The following RAB11FIP1 variants were observed in gnomAD, a reference collection of about 807,000 sequenced individuals.
RAB11FIP1 encodes rab11 family-interacting protein 1.
RAB11FIP1 carries 49 observed loss-of-function variants against 83.1 expected under a neutral mutation model. The ratio of observed to expected loss-of-function variants is 0.59; its 90% confidence interval spans 0.47 to 0.75. The LOEUF (loss-of-function observed/expected upper bound fraction) is 0.75. RAB11FIP1 is among the 30% of genes least tolerant of loss of function. The pLI, the probability that RAB11FIP1 is intolerant of heterozygous loss-of-function variation, is 0.00. For missense variants in RAB11FIP1, 1,536 were observed against 1,598.7 expected (o/e 0.96, Z 0.67); for synonymous variants, 670 against 656.0 (o/e 1.02, Z -0.33).
At chr8:37,887,596 A>G in intron 1 of RAB11FIP1, among the ~76,000 whole-genome samples, 1 of 152,082 alleles carries the variant, frequency 6.6e-6, no homozygotes, top group East Asian at 1.9e-4. Context: ...GCCTTTTTAT[A>G]AATCTTCTTT....
intron 1 of RAB11FIP1, among the ~76,000 whole-genome samples, chr8:37,894,811 G>GC (rs1247724655): frequency 2.7e-5 from 4 of 150,214 alleles, no homozygotes; most frequent in Non-Finnish European, 5.9e-5. Context: ...ATGCAGTGGT[G>GC]CGATCTCAGC....
rs35705579 is a variant in RAB11FIP1, at chr8:37,899,489, G to A, written c.-48C>T. On this transcript the variant is annotated 5_prime_UTR_variant, in exon 1 of 6. Transcript: ENST00000330843. This position sits in a 1 kb window ranked among gnomAD's most constrained non-coding sequence, Gnocchi z 4.5. ...CGAGGAGAAGATCGCCGCGACTGGC[G>A]GCCTCCACGGCCCGCCCCGGCGACC... 4.7e-6 allele frequency: 7 copies of A among 1,481,138 alleles called. No individual in the cohort carries two copies. Among genetic ancestry groups the A allele is most frequent in the Non-Finnish European group, 5.4e-6 (6 of 1,120,074 alleles). The allele number at this position is 1,481,138 out of a possible 1,614,324, so 91.7% of individuals were successfully genotyped here.
At chr8:37,898,749 G>A (rs1452644048) in intron 1 of RAB11FIP1, among the ~76,000 whole-genome samples, 1 of 151,672 alleles carries the variant, frequency 6.6e-6, no homozygotes, top group Non-Finnish European at 1.5e-5. Context: ...GAACCTGCGA[G>A]GCGAAGTTTG....
At chr8:37,888,477 A>T (rs1034866070) in intron 1 of RAB11FIP1, among the ~76,000 whole-genome samples, 10 of 152,294 alleles carry the variant, frequency 6.6e-5, no homozygotes, top group African/African-American at 2.2e-4. Flanking sequence ...CTTTAAAAAA[A>T]AAAATGTATT....
In RAB11FIP1 at chr8:37,862,836, C is replaced by T. The variant is rs1260777715; in HGVS notation, c.*59G>A. The stretch of plus-strand genomic sequence containing the variant: ...GTTATCAGGCAAGGCAAGTCCTTGA[C>T]CCCTGGAGCAGGTGAAAGTGAAGTC... On this transcript the variant is annotated 3_prime_UTR_variant, in exon 6 of 6. Coordinates refer to ENST00000330843, the MANE Select transcript of RAB11FIP1 (RefSeq NM_001002814.3). 6.4e-6 allele frequency: 9 copies of T among 1,398,104 alleles called. No homozygotes were observed. The South Asian group carries it at 1.0e-4, about 16-fold the overall frequency. 86.6% of individuals were successfully genotyped at this position (1,398,104 alleles called of 1,614,324 possible).
chr8:37,877,070 G>A lies in RAB11FIP1; in HGVS notation c.814+39C>T, dbSNP rs776444570. 22 of 1,424,132 alleles carry A rather than the reference G, an allele frequency of 1.5e-5. No homozygotes were observed. The South Asian group carries it at 2.4e-4, about 15-fold the overall frequency. The allele number at this position is 1,424,132 out of a possible 1,614,324, so 88.2% of individuals were successfully genotyped here. A position where few individuals can be genotyped will look rare whatever the true frequency, so the allele number is the denominator to read the frequency against. ...TCTCTCAGAACGAAGCATGGTAAGA[G>A]GAAGAAGAGAGGTCAAGCAGGAAGA... On this transcript the variant is annotated intron_variant, in intron 2 of 5. Transcript: ENST00000330843.
intron 2 of RAB11FIP1, 46 bp downstream of exon 2, chr8:37,877,063 G>T: frequency 7.4e-7 from 1 of 1,347,338 alleles, no homozygotes; most frequent in Non-Finnish European, 1.0e-6. Context: ...AACGAAGCAT[G>T]GTAAGAGGAA....
intron 1 of RAB11FIP1, among the ~76,000 whole-genome samples, chr8:37,879,918 A>T (rs1296470209): frequency 8.5e-5 from 13 of 152,188 alleles, no homozygotes; most frequent in Admixed American, 8.5e-4. Flanking sequence ...TTAATGTTAC[A>T]TATATTTTAC....
rs558291640 is a variant in RAB11FIP1, at chr8:37,860,870, C to T, written c.*2025G>A. 5.9e-5 allele frequency: 9 copies of T among 152,676 alleles called. No homozygotes were observed. The highest frequency in any genetic ancestry group is 2.2e-4 in the African/African-American group (9 of 41,550). 9.5% of individuals were successfully genotyped at this position (152,676 alleles called of 1,614,324 possible). A position where few individuals can be genotyped will look rare whatever the true frequency, so the allele number is the denominator to read the frequency against. ...TCAGATTAAAGTGCTCTGATATAACCAATGCCACAGCAAACGAAATCCTGG... is the reference window on the plus strand; with the variant it reads ...TCAGATTAAAGTGCTCTGATATAACTAATGCCACAGCAAACGAAATCCTGG... On this transcript the variant is annotated 3_prime_UTR_variant, in exon 6 of 6. Coordinates refer to ENST00000330843, the MANE Select transcript of RAB11FIP1 (RefSeq NM_001002814.3).
chr8:37,896,171 A>G (rs751805273), intron 1 of RAB11FIP1, among the ~76,000 whole-genome samples: 16 of 151,960 alleles, frequency 1.1e-4, no homozygotes, highest in Non-Finnish European at 1.9e-4. Context: ...TTAGCCGGAC[A>G]TGGTGGCGGG....
chr8:37,867,515 A>C (rs571903148), intron 5 of RAB11FIP1, among the ~76,000 whole-genome samples: 42 of 151,792 alleles, frequency 2.8e-4, no homozygotes, highest in Admixed American at 4.6e-4. Context: ...GACCAGCCTG[A>C]CCGACATGGT....
intron 1 of RAB11FIP1, among the ~76,000 whole-genome samples, chr8:37,895,218 A>AATAAATATATATATATAT (rs1381872486): frequency 7.3e-5 from 1 of 13,704 alleles, no homozygotes; most frequent in Non-Finnish European, 1.4e-4. Context: ...GGTGCCTGCC[A>AATAAATATATATATATAT]ATATATATAT....
chr8:37,883,912 G>T (rs1414098145), intron 1 of RAB11FIP1, among the ~76,000 whole-genome samples: 2 of 151,994 alleles, frequency 1.3e-5, no homozygotes, highest in African/African-American at 4.8e-5. Context: ...CCCATATTCT[G>T]AAAAAATCTT....
At chr8:37,867,428 G>A (rs1329314857) in intron 5 of RAB11FIP1, among the ~76,000 whole-genome samples, 2 of 152,194 alleles carry the variant, frequency 1.3e-5, no homozygotes. Flanking sequence ...GTGGGGTCCG[G>A]GCGCAGTGGC....
At chr8:37,877,012 A>T in intron 2 of RAB11FIP1, 97 bp downstream of exon 2, 1 of 923,910 alleles carries the variant, frequency 1.1e-6, no homozygotes, top group Non-Finnish European at 1.6e-6. Flanking sequence ...GAATTGAATT[A>T]AACTCTTTCT....
At chr8:37,883,145 C>G (rs1480109942) in intron 1 of RAB11FIP1, among the ~76,000 whole-genome samples, 2 of 151,292 alleles carry the variant, frequency 1.3e-5, no homozygotes, top group African/African-American at 2.4e-5. Flanking sequence ...GAAAGCAAAA[C>G]AAGAATTGTT....
rs1006326311 is a variant in RAB11FIP1, at chr8:37,858,681, C to G, written c.*4214G>C. On this transcript the variant is annotated 3_prime_UTR_variant, in exon 6 of 6. Transcript: ENST00000330843. ...GGCTGCAAAGGAAAAGGGGGCAGCA[C>G]GTTCCAACTCAGTTTCTCTGGCCAG... is the stretch of plus-strand genomic sequence containing the variant. 2.0e-5 allele frequency: 3 copies of G among 152,264 alleles called. No individual in the cohort carries two copies. The highest frequency in any genetic ancestry group is 7.2e-5 in the African/African-American group (3 of 41,448). The allele number at this position is 152,264 out of a possible 1,614,324, so 9.4% of individuals were successfully genotyped here.
At chr8:37,870,686 G>A in intron 4 of RAB11FIP1, 158 bp from the exon 5 acceptor site, 1 of 548,382 alleles carries the variant, frequency 1.8e-6, no homozygotes, top group Non-Finnish European at 3.3e-6. Flanking sequence ...CTCAGTTCCT[G>A]TGGAAACAAA....
chr8:37,899,044 G>A lies in RAB11FIP1; in HGVS notation c.371+27C>T, dbSNP rs112738007. On this transcript the variant is annotated intron_variant, in intron 1 of 5. Coordinates refer to ENST00000330843, the MANE Select transcript of RAB11FIP1 (RefSeq NM_001002814.3). The surrounding 1 kb of genome is among the most constrained non-coding windows in gnomAD (Gnocchi z 4.5). Reference sequence around the variant, plus strand: ...CGGAGGGGTCCGCGCCCCCAGGCCGGGCCCTCCCCTCCCCGCCCGCACTCA... The same window carrying A: ...CGGAGGGGTCCGCGCCCCCAGGCCGAGCCCTCCCCTCCCCGCCCGCACTCA... The A allele has an allele frequency of 2.7e-3, 3,923 of 1,444,824 alleles. 110 individuals are homozygous for A. The African/African-American group carries it at 0.052, about 19-fold the overall frequency. The allele number at this position is 1,444,824 out of a possible 1,614,324, so 89.5% of individuals were successfully genotyped here.
Sources: gnomAD v4.1 joint callset for allele counts (sites outside exome capture counted in the v4.1 genomes callset) on GRCh38, gnomAD v4.1.1 for gene constraint, Gnocchi (gnomAD v3.1) non-coding constraint, MANE v1.5 for transcripts, NCBI Gene and HGNC (gene_info 2026-07-23, HGNC 2026-07-21) for gene names.